PILRB: variants seen among roughly 807,000 people sequenced by gnomAD.
PILRB encodes paired immunoglobin like type 2 receptor beta, also known as paired immunoglobulin-like type 2 receptor beta.
In PILRB, 21 loss-of-function variants were observed where a neutral mutation model predicts 20.5. The ratio of observed to expected loss-of-function variants is 1.02; its 90% confidence interval spans 0.72 to 1.47. The LOEUF is 1.47. Among genes scored for constraint, PILRB ranks in the 40% most tolerant of loss-of-function variants. The pLI is 0.00. For missense variants in PILRB, 253 were observed against 272.1 expected (o/e 0.93, Z 0.49); for synonymous variants, 133 against 115.1 (o/e 1.16, Z -0.99).
Position 100,358,875 on chromosome 7 carries a change from A to T in PILRB, c.250A>T (p.Thr84Ser). The change falls in exon 2 of 4, where the codon ACA becomes TCA. Residue 84 changes from threonine to serine, a missense_variant. Physicochemically the swap from Thr to Ser is moderately conservative, Grantham distance 58 (BLOSUM62 1). Coordinates refer to ENST00000609309, the MANE Select transcript of PILRB (RefSeq NM_178238.4). ...CTTCCACGGGCAGTCCTTCTACAGC[A>T]CAAGGCCGCCTTCCATTCACAAGGA... ...GHFHGQSFYS[T>S]RPPSIHKDYV... is the part of the protein sequence containing the mutation. The T allele has an allele frequency of 3.1e-6, 5 of 1,614,170 alleles. No individual in the cohort carries two copies. Among genetic ancestry groups the T allele is most frequent in the Non-Finnish European group, 4.2e-6 (5 of 1,180,030 alleles).
chr7:100,358,676 C>A lies in PILRB; in HGVS notation c.65-14C>A, dbSNP rs375943850. On this transcript the variant is annotated splice_polypyrimidine_tract_variant and intron_variant, in intron 1 of 3. Transcript: ENST00000609309. ...TTCAAGGTCTCTCCCCCACTCACTC[C>A]CTCCTTCCTCTAGGTGGCTCCACAG... is the stretch of plus-strand genomic sequence containing the variant. The A allele has an allele frequency of 1.4e-5, 23 of 1,611,448 alleles. No individual in the cohort carries two copies. Among genetic ancestry groups the A allele is most frequent in the South Asian group, 2.2e-5 (2 of 90,960 alleles).
At position 100,367,683 on chromosome 7, in the gene PILRB, TC is replaced by T; in HGVS notation, c.*308del. On this transcript the variant is annotated 3_prime_UTR_variant, in exon 4 of 4. Transcript: ENST00000609309. ...TGTTTATTATAGCAGTGCAAAGAGT[TC>T]CTTTATCCTCCCCAAGGATGGAAAA... The T allele has an allele frequency of 1.0e-5, 4 of 382,632 alleles. No homozygotes were observed. The highest frequency in any genetic ancestry group is 8.4e-5 in the Admixed American group (2 of 23,762). The allele number at this position is 382,632 out of a possible 1,614,324, so 23.7% of individuals were successfully genotyped here.
intron 3 of PILRB, among the ~76,000 whole-genome samples, chr7:100,364,304 AAATT>A (rs1213194174): frequency 1.3e-5 from 2 of 152,156 alleles, no homozygotes; most frequent in African/African-American, 4.8e-5. Context: ...CTCTGCCAAA[AAATT>A]AACTCAAAAT....
At chr7:100,360,468 G>A (rs916890096) in intron 3 of PILRB, among the ~76,000 whole-genome samples, 2 of 152,212 alleles carry the variant, frequency 1.3e-5, no homozygotes, top group Non-Finnish European at 2.9e-5. Context: ...TGAGGATTGT[G>A]TAGAGGTCAC....
At chr7:100,364,135 A>G (rs1790609056) in intron 3 of PILRB, among the ~76,000 whole-genome samples, 1 of 151,760 alleles carries the variant, frequency 6.6e-6, no homozygotes, top group Admixed American at 6.6e-5. Flanking sequence ...ACATAAATAG[A>G]GCAGTGGAAT....
intron 3 of PILRB, among the ~76,000 whole-genome samples, chr7:100,366,494 G>A (rs1422637528): frequency 2.0e-5 from 3 of 152,054 alleles, no homozygotes; most frequent in Non-Finnish European, 2.9e-5. Context: ...CCCAGTGCTT[G>A]GGAAACACTG....
At chr7:100,365,127 G>A (rs775931884) in intron 3 of PILRB, among the ~76,000 whole-genome samples, 3 of 152,208 alleles carry the variant, frequency 2.0e-5, no homozygotes, top group Non-Finnish European at 2.9e-5. Flanking sequence ...AGCCTCCCGA[G>A]TAGCTGGGAT....
intron 3 of PILRB, among the ~76,000 whole-genome samples, chr7:100,366,404 G>T (rs1470154458): frequency 6.6e-6 from 1 of 152,156 alleles, no homozygotes; most frequent in Non-Finnish European, 1.5e-5. Flanking sequence ...GTGAGGCCTG[G>T]GTTCAGAGGG....
chr7:100,364,607 C>G (rs1438435267), intron 3 of PILRB, among the ~76,000 whole-genome samples: 2 of 152,230 alleles, frequency 1.3e-5, no homozygotes, highest in African/African-American at 2.4e-5. Context: ...TAATCAGAAG[C>G]TGCCATGGCA....
Position 100,358,927 on chromosome 7 carries a change from G to A in PILRB, c.302G>A (p.Trp101Ter), listed in dbSNP as rs781658107. The A allele has an allele frequency of 6.2e-7, 1 of 1,614,146 alleles. No homozygotes were observed. The highest frequency in any genetic ancestry group is 8.5e-7 in the Non-Finnish European group (1 of 1,180,036). Residue 101 changes from tryptophan (W) to a stop codon, truncating the protein, a stop_gained, in exon 2 of 4, where the codon TGG (tryptophan) becomes TAG (stop). Transcript: ENST00000609309. LOFTEE classifies it high-confidence loss of function. ...KDYVNRLFLN[W>*]TEGQESGFLR... is the part of the protein sequence containing the mutation. ...TATGTGAACCGGCTCTTTCTGAACT[G>A]GACAGAGGGTCAGGAGAGCGGCTTC...
Position 100,358,965 on chromosome 7 carries a change from A to T in PILRB, c.340A>T (p.Asn114Tyr), listed in dbSNP as rs1230625252. The T allele has an allele frequency of 1.1e-5, 17 of 1,614,082 alleles. No individual in the cohort carries two copies. The highest frequency in any genetic ancestry group is 1.4e-5 in the Non-Finnish European group (17 of 1,180,020). The change falls in exon 2 of 4, where the codon AAC (asparagine) becomes TAC (tyrosine). Residue 114 changes from asparagine to tyrosine, a missense_variant. Asn to Tyr is a moderately radical substitution (Grantham distance 143, BLOSUM62 -2). Coordinates refer to ENST00000609309, the MANE Select transcript of PILRB (RefSeq NM_178238.4). ...GGAGAGCGGCTTCCTCAGGATCTCA[A>T]ACCTGCGGAAGGAGGACCAGTCTGT... ...GQESGFLRIS[N>Y]LRKEDQSVYF...
In PILRB at chr7:100,358,787, C is replaced by G. The variant is rs1167536378; in HGVS notation, c.162C>G (p.Ser54=). 6.2e-7 allele frequency: 1 copy of G among 1,613,472 alleles called. No individual in the cohort carries two copies. Among genetic ancestry groups the G allele is most frequent in the East Asian group, 2.2e-5 (1 of 44,884 alleles). The stretch of plus-strand genomic sequence containing the variant: ...GTGGCTCTGTGGAAATCCCCTTCTC[C>G]TTCTATTACCCCTGGGAGTTAGCCA... ...SMGGSVEIPF[S]FYYPWELAIV... The change falls in exon 2 of 4, where the codon TCC becomes TCG. Residue 54 remains serine (S), a synonymous_variant. Coordinates refer to ENST00000609309, the MANE Select transcript of PILRB (RefSeq NM_178238.4).
intron 3 of PILRB, among the ~76,000 whole-genome samples, chr7:100,362,583 A>G (rs1179228945): frequency 6.6e-6 from 1 of 151,292 alleles, no homozygotes; most frequent in African/African-American, 2.4e-5. Context: ...ATCTTGGCTC[A>G]CTGCAACTTC....
intron 3 of PILRB, among the ~76,000 whole-genome samples, chr7:100,366,780 G>A (rs969668486): frequency 1.3e-5 from 2 of 152,222 alleles, no homozygotes; most frequent in Admixed American, 1.3e-4. Flanking sequence ...ATGGGTGGGC[G>A]AGGGCTCAGC....
At chr7:100,363,847 G>A (rs1475999977) in intron 3 of PILRB, among the ~76,000 whole-genome samples, 1 of 152,126 alleles carries the variant, frequency 6.6e-6, no homozygotes, top group African/African-American at 2.4e-5. Context: ...CAGTGGCTCA[G>A]CCTGTAATCC....
Position 100,367,734 on chromosome 7 carries a change from C to T in PILRB, c.*357C>T, listed in dbSNP as rs1378168435. Reference sequence around the variant, plus strand: ...AATACAATTTATTTTGCTTACCATACACCCCTTTTCTCCTCGTCCACATTT... The same window carrying T: ...AATACAATTTATTTTGCTTACCATATACCCCTTTTCTCCTCGTCCACATTT... On this transcript the variant is annotated 3_prime_UTR_variant, in exon 4 of 4. Transcript: ENST00000609309. 2 of 245,814 alleles carry T rather than the reference C, an allele frequency of 8.1e-6. No homozygotes were observed. Among genetic ancestry groups the T allele is most frequent in the African/African-American group, 4.5e-5 (2 of 44,802 alleles). The allele number at this position is 245,814 out of a possible 1,614,324, so 15.2% of individuals were successfully genotyped here.
intron 3 of PILRB, among the ~76,000 whole-genome samples, chr7:100,361,126 G>A (rs922134914): frequency 1.5e-4 from 23 of 152,060 alleles, no homozygotes; most frequent in Non-Finnish European, 2.6e-4. Context: ...TAGTAGAGAC[G>A]GGGTTTCACT....
chr7:100,359,385 C>G lies in PILRB; in HGVS notation c.503C>G (p.Ala168Gly), dbSNP rs185142903. 2 of 1,614,082 alleles carry G rather than the reference C, an allele frequency of 1.2e-6. No individual in the cohort carries two copies. Among genetic ancestry groups the G allele is most frequent in the Admixed American group, 3.3e-5 (2 of 59,994 alleles). ...AGGCCCAGCAGCACAACCACCATAG[C>G]CGGCCTCAGGGTCACAGAAAGCAAA... ...TWRPSSTTTI[A>G]GLRVTESKGH... Residue 168 changes from alanine to glycine, a missense_variant, in exon 3 of 4, where the codon GCC (alanine) becomes GGC (glycine). By Grantham distance (60) the Ala-to-Gly change is moderately conservative (BLOSUM62 0). Coordinates refer to ENST00000609309, the MANE Select transcript of PILRB (RefSeq NM_178238.4).
chr7:100,365,156 C>T (rs1474335183), intron 3 of PILRB, among the ~76,000 whole-genome samples: 2 of 152,146 alleles, frequency 1.3e-5, no homozygotes, highest in Admixed American at 6.6e-5. Context: ...TGTGCCACCA[C>T]ACCCAGCTAC....
Sources: allele counts gnomAD v4.1 joint callset (sites outside exome capture counted in the v4.1 genomes callset), GRCh38; gene constraint gnomAD v4.1.1; transcripts MANE v1.5; gene names NCBI Gene and HGNC (gene_info 2026-07-23, HGNC 2026-07-21).